The following RBMS3 variants were observed in gnomAD, a reference collection of about 807,000 sequenced individuals.
RBMS3 encodes the protein RNA binding motif single stranded interacting protein 3.
Under a neutral mutation model 66.8 loss-of-function variants are expected in RBMS3, and 27 were observed. The observed-to-expected ratio is 0.40, with a 90% CI of 0.30 to 0.56. RBMS3 has a LOEUF of 0.56. Among genes scored for constraint, RBMS3 ranks in the 20% least tolerant of loss-of-function variants. The pLI, the probability that RBMS3 is intolerant of heterozygous loss-of-function variation, is 0.40. For synonymous variants in RBMS3, 188 were observed against 183.0 expected, an observed-to-expected ratio of 1.03 and a Z score of -0.22; for missense variants, 513 against 549.5, an observed-to-expected ratio of 0.93 and a Z score of 0.66.
At chr3:29,962,247 T>TATCA (rs1318283177) in intron 12 of RBMS3, among the ~76,000 whole-genome samples, 7 of 151,478 alleles carry the variant, frequency 4.6e-5, no homozygotes, top group Non-Finnish European at 1.0e-4. Flanking sequence ...CAATAAAAAC[T>TATCA]ATCAGGATAA....
chr3:29,996,308 CATT>C (rs1296486410), intron 14 of RBMS3, among the ~76,000 whole-genome samples: 2 of 151,222 alleles, frequency 1.3e-5, no homozygotes. Flanking sequence ...GACTCCCACA[CATT>C]AATAATGGGA....
intron 4 of RBMS3, among the ~76,000 whole-genome samples, 176 bp from the exon 5 acceptor site, chr3:29,739,544 A>G (rs560089637): frequency 3.3e-5 from 5 of 152,142 alleles, no homozygotes; most frequent in Admixed American, 3.3e-4. Flanking sequence ...CATTTTGTCT[A>G]TGATAAACAT....
intron 3 of RBMS3, among the ~76,000 whole-genome samples, chr3:29,499,027 G>C (rs1173365657): frequency 6.6e-6 from 1 of 152,100 alleles, no homozygotes; most frequent in Admixed American, 6.5e-5. Context: ...GTGTGTTTGA[G>C]ATAAAGCAAA....
chr3:29,433,878 C>G (rs144004138), intron 1 of RBMS3, among the ~76,000 whole-genome samples: 8 of 152,136 alleles, frequency 5.3e-5, no homozygotes, highest in African/African-American at 1.9e-4. Flanking sequence ...CAGCGGTTCT[C>G]CCAGGGGGAG....
intron 6 of RBMS3, among the ~76,000 whole-genome samples, chr3:29,790,764 A>AT: frequency 6.6e-6 from 1 of 152,222 alleles, no homozygotes; most frequent in South Asian, 2.1e-4. Context: ...AGTTATCGGG[A>AT]TTTTGAAGTT....
intron 14 of RBMS3, among the ~76,000 whole-genome samples, chr3:29,996,234 T>G (rs1699230147): frequency 6.6e-6 from 1 of 151,348 alleles, no homozygotes; most frequent in African/African-American, 2.4e-5. Context: ...TAAATATATA[T>G]GCACCCAATA....
chr3:29,967,311 C>T (rs1036038496), intron 12 of RBMS3, among the ~76,000 whole-genome samples: 6 of 152,002 alleles, frequency 3.9e-5, no homozygotes, highest in East Asian at 1.9e-4. Context: ...TCTATGAATC[C>T]GTCTGGTCCT....
chr3:29,424,288 A>G (rs568424967), intron 1 of RBMS3, among the ~76,000 whole-genome samples: 1 of 152,324 alleles, frequency 6.6e-6, no homozygotes, highest in South Asian at 2.1e-4. Flanking sequence ...GACAATCTCA[A>G]TTATTCCTTG....
chr3:29,341,962 G>A (rs534774129), intron 1 of RBMS3, among the ~76,000 whole-genome samples: 25 of 152,126 alleles, frequency 1.6e-4, no homozygotes, highest in African/African-American at 5.3e-4. Context: ...ATATTCTCTC[G>A]AATGTGCAAC....
At chr3:29,776,496 C>G (rs1123195) in intron 6 of RBMS3, among the ~76,000 whole-genome samples, 39,676 of 151,546 alleles carry the variant, frequency 0.26, 5,940 homozygotes, top group East Asian at 0.74. Flanking sequence ...GTACATGTAC[C>G]CTAAAACTTA....
chr3:29,337,002 C>A (rs1439106457), intron 1 of RBMS3, among the ~76,000 whole-genome samples: 7 of 152,020 alleles, frequency 4.6e-5, no homozygotes, highest in African/African-American at 1.7e-4. Flanking sequence ...TTTTAAAATG[C>A]TCTAATTATA....
chr3:29,564,763 T>A (rs147071596), intron 3 of RBMS3, among the ~76,000 whole-genome samples: 2 of 152,298 alleles, frequency 1.3e-5, no homozygotes, highest in East Asian at 3.9e-4. Context: ...TCCCTCCAGC[T>A]GTACCTTATG....
chr3:29,731,941 C>G (rs1283814331), intron 4 of RBMS3, among the ~76,000 whole-genome samples: 1 of 151,618 alleles, frequency 6.6e-6, no homozygotes, highest in Non-Finnish European at 1.5e-5. Flanking sequence ...ATTTCCCTCT[C>G]TCCCCATCTC....
In RBMS3 at chr3:29,771,757, A is replaced by G. The variant is rs190574499; in HGVS notation, c.637+8768A>G. 4.7e-4 allele frequency among the ~76,000 whole-genome samples: 72 copies of G among 152,096 alleles called. 1 individual carries two copies. In the East Asian group the frequency reaches 0.013, roughly 28 times the overall value. On this transcript the variant is annotated intron_variant, in intron 6 of 14. Transcript: ENST00000383767. ...GGAGAAGACTCAGGAAACTTACATC[A>G]GGGCGGAATGTAAAGGGGAAGCAGG...
chr3:29,861,894 A>G (rs1014572918), intron 6 of RBMS3, among the ~76,000 whole-genome samples: 2 of 152,216 alleles, frequency 1.3e-5, no homozygotes, highest in Non-Finnish European at 2.9e-5. Flanking sequence ...CATTTGCATC[A>G]TAGACCATAA....
At chr3:29,575,116 C>A (rs1273112709) in intron 3 of RBMS3, among the ~76,000 whole-genome samples, 3 of 152,124 alleles carry the variant, frequency 2.0e-5, no homozygotes, top group African/African-American at 7.2e-5. Flanking sequence ...TTTCTTCTTG[C>A]TCACTAACAT....
At chr3:29,458,089 C>G (rs1230999583) in intron 2 of RBMS3, among the ~76,000 whole-genome samples, 1 of 152,152 alleles carries the variant, frequency 6.6e-6, no homozygotes, top group Non-Finnish European at 1.5e-5. Flanking sequence ...TCCTTAGTCC[C>G]TATAGAATTA....
Position 29,331,473 on chromosome 3 carries a change from A to AT in RBMS3, c.75+49720dup, listed in dbSNP as rs374287430. The stretch of plus-strand genomic sequence containing the variant: ...TTGAAAAAGTACTCTTGCTTGCCTT[A>AT]TTTCCCTTCTCTGTCTTGTTTCCCC... On this transcript the variant is annotated intron_variant, in intron 1 of 14. Transcript: ENST00000383767. 2.9e-3 allele frequency among the ~76,000 whole-genome samples: 442 copies of AT among 152,132 alleles called. 2 individuals are homozygous for AT. The highest frequency in any genetic ancestry group is 0.01 in the African/African-American group (420 of 41,512).
chr3:29,613,110 A>G (rs867112215), intron 4 of RBMS3, among the ~76,000 whole-genome samples: 7 of 152,068 alleles, frequency 4.6e-5, no homozygotes, highest in Middle Eastern at 3.4e-3. Context: ...TCATCTTGAA[A>G]TACTTAATAA....
Sources: gnomAD v4.1 joint callset for allele counts (sites outside exome capture counted in the v4.1 genomes callset) on GRCh38, gnomAD v4.1.1 for gene constraint, MANE v1.5 for transcripts, NCBI Gene and HGNC (gene_info 2026-07-23, HGNC 2026-07-21) for gene names.